TSHZ2: variants seen among roughly 807,000 people sequenced by gnomAD.
TSHZ2 encodes teashirt zinc finger homeobox 2.
In TSHZ2, 21 loss-of-function variants were observed where a neutral mutation model predicts 74.4. The ratio of observed to expected loss-of-function variants is 0.28; its 90% CI spans 0.20 to 0.41. TSHZ2 has a LOEUF of 0.41. TSHZ2 is among the 10% of genes least tolerant of loss of function. The probability of loss-of-function intolerance (pLI) is 1.00; values close to 1 mark genes in which losing one functional copy is unlikely to be tolerated. For synonymous variants in TSHZ2, 540 were observed against 515.3 expected (o/e 1.05, Z -0.65); for missense variants, 1,244 against 1,293.5 (o/e 0.96, Z 0.59).
chr20:53,425,477 A>G (rs967984204), intron 2 of TSHZ2, among the ~76,000 whole-genome samples: 4 of 152,350 alleles, frequency 2.6e-5, no homozygotes, highest in South Asian at 4.1e-4. Flanking sequence ...AAAAATTTAC[A>G]TCTGAAAAAT....
intron 2 of TSHZ2, among the ~76,000 whole-genome samples, chr20:53,406,725 A>T (rs1309797810): frequency 6.6e-6 from 1 of 152,186 alleles, no homozygotes; most frequent in African/African-American, 2.4e-5. Context: ...CCAAATAATG[A>T]CAGAAGAGCA....
intron 2 of TSHZ2, among the ~76,000 whole-genome samples, chr20:53,469,614 T>TAAAG (rs368418317): frequency 0.37 from 25,716 of 69,790 alleles, 6,032 homozygotes; most frequent in South Asian, 0.53. Context: ...GAAAGATAGA[T>TAAAG]AGAGAGGGAG....
intron 1 of TSHZ2, among the ~76,000 whole-genome samples, chr20:53,023,480 T>C (rs1983318686): frequency 6.6e-6 from 1 of 152,194 alleles, no homozygotes; most frequent in Non-Finnish European, 1.5e-5. Context: ...GCAATTTACA[T>C]TTTTAGCCTC....
At position 53,488,758 on chromosome 20, in the gene TSHZ2, T is replaced by C. The variant is rs1178342954; in HGVS notation, c.*1623T>C. On this transcript the variant is annotated 3_prime_UTR_variant, in exon 3 of 3. Transcript: ENST00000371497. ...CAAAATGAAACCAAATATCTCTTCC[T>C]CACCATTTCTCAAGGAGGCTGCCTG... 6 of 322,112 alleles carry C rather than the reference T, an allele frequency of 1.9e-5. No individual in the cohort carries two copies. The highest frequency in any genetic ancestry group is 3.0e-5 in the Non-Finnish European group (5 of 165,420). The allele number at this position is 322,112 out of a possible 1,614,324, so 20.0% of individuals were successfully genotyped here.
intron 2 of TSHZ2, among the ~76,000 whole-genome samples, chr20:53,393,582 G>A (rs1166729281): frequency 3.9e-5 from 6 of 152,140 alleles, no homozygotes; most frequent in Non-Finnish European, 8.8e-5. Context: ...TATTCTGTTT[G>A]TTCCAAGCAG....
chr20:53,475,042 C>A (rs1985948576), intron 2 of TSHZ2, among the ~76,000 whole-genome samples: 2 of 138,288 alleles, frequency 1.4e-5, no homozygotes, highest in South Asian at 4.8e-4. Flanking sequence ...GACTTAGACT[C>A]CCACACATTA....
chr20:53,065,191 G>A (rs1347702232), intron 1 of TSHZ2, among the ~76,000 whole-genome samples: 3 of 152,140 alleles, frequency 2.0e-5, no homozygotes, highest in East Asian at 1.9e-4. Context: ...ATGATAATGC[G>A]TGAAGAGCTG....
intron 2 of TSHZ2, among the ~76,000 whole-genome samples, chr20:53,329,330 A>AGTAC (rs1367528050): frequency 0.011 from 1,699 of 152,248 alleles, 30 homozygotes; most frequent in African/African-American, 0.034. Context: ...GTTAATCACA[A>AGTAC]AATTAACTTA....
chr20:53,210,085 G>C lies in TSHZ2; in HGVS notation c.41-43414G>C, dbSNP rs548898932. 3.5e-3 allele frequency among the ~76,000 whole-genome samples: 533 copies of C among 152,380 alleles called. 6 individuals carry two copies. The highest frequency in any genetic ancestry group is 0.012 in the African/African-American group (511 of 41,604). On this transcript the variant is annotated intron_variant, in intron 1 of 2. Coordinates refer to ENST00000371497, the MANE Select transcript of TSHZ2 (RefSeq NM_173485.6). ...AGTTCCCAGATCCCCGTCGCAGGAC[G>C]TGAGACAGGGGTGTGGCTTGCCTGT...
chr20:53,094,610 A>C (rs915896836), intron 1 of TSHZ2, among the ~76,000 whole-genome samples: 1 of 152,194 alleles, frequency 6.6e-6, no homozygotes, highest in African/African-American at 2.4e-5. Context: ...GGTGCAGTAC[A>C]TCTGCCTGGC....
At position 52,990,373 on chromosome 20, in the gene TSHZ2, G is replaced by C. The variant is rs116880676; in HGVS notation, c.40+17040G>C. The stretch of plus-strand genomic sequence containing the variant: ...TAGGCACTTGAAAAATGCCTGCTTG[G>C]CTTAAGTACGCTGAACGTAAATAAA... On this transcript the variant is annotated intron_variant, in intron 1 of 2. Transcript: ENST00000371497. Among the ~76,000 whole-genome samples, 1,261 of 143,310 alleles carry C rather than the reference G, an allele frequency of 8.8e-3. 11 individuals carry two copies. Among genetic ancestry groups the C allele is most frequent in the Non-Finnish European group, 0.013 (837 of 66,342 alleles). 94.0% of individuals were successfully genotyped at this position (143,310 alleles called of 152,430 possible).
intron 2 of TSHZ2, among the ~76,000 whole-genome samples, chr20:53,415,405 C>G (rs2145705231): frequency 6.6e-6 from 1 of 152,252 alleles, no homozygotes; most frequent in South Asian, 2.1e-4. Flanking sequence ...TCCACTGGGG[C>G]CCCAGGCCCC....
At chr20:53,001,642 GA>G (rs1273069271) in intron 1 of TSHZ2, among the ~76,000 whole-genome samples, 1 of 152,184 alleles carries the variant, frequency 6.6e-6, no homozygotes. Flanking sequence ...AACTCTGCTG[GA>G]TGAAACTTTT....
At chr20:53,325,793 G>GT (rs1442099074) in intron 2 of TSHZ2, among the ~76,000 whole-genome samples, 2 of 151,898 alleles carry the variant, frequency 1.3e-5, no homozygotes, top group East Asian at 1.9e-4. Flanking sequence ...GTTTTGTTTT[G>GT]TTTTTTGAGA....
chr20:53,059,826 C>T (rs978363064), intron 1 of TSHZ2, among the ~76,000 whole-genome samples: 6 of 152,146 alleles, frequency 3.9e-5, no homozygotes, highest in Admixed American at 1.3e-4. Flanking sequence ...GAAGATTTGC[C>T]AGAATTTAAC....
At chr20:53,094,474 G>A (rs2000339) in intron 1 of TSHZ2, among the ~76,000 whole-genome samples, 67,003 of 151,946 alleles carry the variant, frequency 0.44, 15,285 homozygotes, top group Admixed American at 0.54. Flanking sequence ...AGTCCAATAT[G>A]TGGGTCCCTG....
intron 1 of TSHZ2, among the ~76,000 whole-genome samples, chr20:53,168,461 A>G (rs138551349): frequency 6.6e-6 from 1 of 152,370 alleles, no homozygotes; most frequent in Non-Finnish European, 1.5e-5. Flanking sequence ...TCCTGAAGCT[A>G]GAAATAACAT....
intron 1 of TSHZ2, among the ~76,000 whole-genome samples, chr20:53,121,700 A>G (rs1986814466): frequency 6.6e-6 from 1 of 152,238 alleles, no homozygotes; most frequent in African/African-American, 2.4e-5. Context: ...AAAAGTGTAT[A>G]AACACCAAAC....
At chr20:53,003,178 A>G (rs1270180241) in intron 1 of TSHZ2, among the ~76,000 whole-genome samples, 2 of 151,262 alleles carry the variant, frequency 1.3e-5, no homozygotes, top group African/African-American at 4.9e-5. Flanking sequence ...ACTGTCCTTC[A>G]TTGTGGGGAG....
Sources: allele counts gnomAD v4.1 joint callset (sites outside exome capture counted in the v4.1 genomes callset), GRCh38; gene constraint gnomAD v4.1.1; transcripts MANE v1.5; gene names NCBI Gene and HGNC (gene_info 2026-07-23, HGNC 2026-07-21).